The following NRXN3 variants were observed in gnomAD, a reference collection of about 807,000 sequenced individuals.
NRXN3 encodes neurexin III.
In NRXN3, 32 loss-of-function variants were observed where a neutral mutation model predicts 137.6. The observed-to-expected ratio is 0.23, with a 90% CI of 0.18 to 0.31. The LOEUF is 0.31. NRXN3 is among the 10% of genes least tolerant of loss of function. NRXN3 has a pLI of 1.00. For synonymous variants in NRXN3, 798 were observed against 784.5 expected (o/e 1.02, Z -0.29); for missense variants, 1,574 against 2,062.5 (o/e 0.76, Z 4.59).
At chr14:79,243,526 G>T (rs1385124715) in intron 15 of NRXN3, among the ~76,000 whole-genome samples, 1 of 152,144 alleles carries the variant, frequency 6.6e-6, no homozygotes, top group African/African-American at 2.4e-5. Context: ...CTGTACTATA[G>T]CCACATGTCT....
rs199876845 is a variant in NRXN3, at chr14:78,648,444, G to A, written c.1060-2721G>A. On this transcript the variant is annotated intron_variant, in intron 5 of 20. Transcript: ENST00000335750. ...AAAGCTTGAAAAGCATTGTTCAAGAGGAATTGGGGGAGAGAGATTCCAAAG... is the reference window on the plus strand; with the variant it reads ...AAAGCTTGAAAAGCATTGTTCAAGAAGAATTGGGGGAGAGAGATTCCAAAG... 9.2e-5 allele frequency among the ~76,000 whole-genome samples: 14 copies of A among 152,280 alleles called. No homozygotes were observed. In the East Asian group the frequency reaches 2.7e-3, roughly 29 times the overall value.
chr14:78,932,840 G>A (rs2099326138), intron 10 of NRXN3, among the ~76,000 whole-genome samples: 1 of 152,148 alleles, frequency 6.6e-6, no homozygotes, highest in Non-Finnish European at 1.5e-5. Flanking sequence ...GTAGAACCCT[G>A]TATAAAGAGG....
chr14:78,191,768 G>A (rs911362014), intron 1 of NRXN3, among the ~76,000 whole-genome samples: 3 of 152,194 alleles, frequency 2.0e-5, no homozygotes, highest in African/African-American at 7.2e-5. Flanking sequence ...CAGACCCCTA[G>A]GTCACTCTTT....
intron 15 of NRXN3, among the ~76,000 whole-genome samples, chr14:79,460,946 G>T (rs2096329103): frequency 6.6e-6 from 1 of 152,150 alleles, no homozygotes; most frequent in African/African-American, 2.4e-5. Context: ...TTTATCATCA[G>T]TTCTGGTGTT....
chr14:78,423,228 C>G (rs148392432), intron 4 of NRXN3, among the ~76,000 whole-genome samples: 58 of 152,190 alleles, frequency 3.8e-4, no homozygotes, highest in African/African-American at 1.3e-3. Flanking sequence ...AAACCAAGGA[C>G]AGGAAGAGAA....
At chr14:79,194,916 T>G (rs1259799138) in intron 15 of NRXN3, among the ~76,000 whole-genome samples, 1 of 152,200 alleles carries the variant, frequency 6.6e-6, no homozygotes, top group Non-Finnish European at 1.5e-5. Context: ...GGAGTTATTT[T>G]CTGTGGAGGA....
intron 17 of NRXN3, among the ~76,000 whole-genome samples, chr14:79,681,477 A>C (rs74063798): frequency 6.6e-6 from 1 of 152,130 alleles, no homozygotes; most frequent in African/African-American, 2.4e-5. Context: ...CTCAGTTCAG[A>C]TAGCCGAGTA....
At chr14:79,837,004 T>C (rs2099345511) in intron 20 of NRXN3, among the ~76,000 whole-genome samples, 1 of 152,172 alleles carries the variant, frequency 6.6e-6, no homozygotes, top group African/African-American at 2.4e-5. Context: ...AAAGTAATAC[T>C]GTTAGTATCC....
At chr14:79,299,484 A>G (rs181063649) in intron 15 of NRXN3, among the ~76,000 whole-genome samples, 3 of 152,242 alleles carry the variant, frequency 2.0e-5, no homozygotes, top group Non-Finnish European at 4.4e-5. Flanking sequence ...ATGCAAACAA[A>G]TGAGTGTGAG....
intron 15 of NRXN3, among the ~76,000 whole-genome samples, chr14:79,131,763 GC>G (rs2057518214): frequency 6.6e-6 from 1 of 152,204 alleles, no homozygotes; most frequent in South Asian, 2.1e-4. Context: ...AATGGCGAGT[GC>G]CCCTCCCCCA....
intron 16 of NRXN3, among the ~76,000 whole-genome samples, chr14:79,488,097 C>T (rs2096674483): frequency 6.6e-6 from 1 of 152,146 alleles, no homozygotes; most frequent in Non-Finnish European, 1.5e-5. Flanking sequence ...ACATATGAGG[C>T]AAGCTCCATG....
chr14:78,281,150 C>G (rs1415631368), intron 3 of NRXN3, among the ~76,000 whole-genome samples: 2 of 152,170 alleles, frequency 1.3e-5, no homozygotes, highest in Non-Finnish European at 2.9e-5. Flanking sequence ...GGACCCTTCA[C>G]TTGGGGCCCT....
At chr14:79,018,876 C>A (rs1258764112) in intron 15 of NRXN3, among the ~76,000 whole-genome samples, 5 of 152,312 alleles carry the variant, frequency 3.3e-5, no homozygotes, top group South Asian at 2.1e-4. Context: ...AGCACCCCTG[C>A]CCTGGCTTTC....
At chr14:79,466,545 G>A (rs755712658) in intron 15 of NRXN3, among the ~76,000 whole-genome samples, 6 of 152,020 alleles carry the variant, frequency 3.9e-5, no homozygotes, top group Non-Finnish European at 8.8e-5. Flanking sequence ...CCGAGGTTGC[G>A]CCACTGCACT....
chr14:79,359,271 C>G (rs775024555), intron 15 of NRXN3, among the ~76,000 whole-genome samples: 39 of 152,144 alleles, frequency 2.6e-4, no homozygotes, highest in Non-Finnish European at 4.9e-4. Flanking sequence ...TGGAAGTCAC[C>G]TTCAGAGTAA....
chr14:79,694,968 C>G (rs1254102641), intron 18 of NRXN3, among the ~76,000 whole-genome samples: 1 of 151,952 alleles, frequency 6.6e-6, no homozygotes, highest in Non-Finnish European at 1.5e-5. Context: ...ATAGACAACC[C>G]CCTTTACTGT....
chr14:78,440,089 C>G (rs774434611), intron 4 of NRXN3, among the ~76,000 whole-genome samples: 16 of 152,224 alleles, frequency 1.1e-4, no homozygotes, highest in African/African-American at 3.6e-4. Context: ...AGTAGAAGGC[C>G]GCATTTGTTT....
chr14:79,747,503 T>G (rs373335341), intron 19 of NRXN3, among the ~76,000 whole-genome samples: 17 of 151,954 alleles, frequency 1.1e-4, no homozygotes, highest in African/African-American at 4.1e-4. Context: ...GTTTCCCAAT[T>G]CAAAATATCC....
rs369949745 is a variant in NRXN3 at position 79,584,025 on chromosome 14, G to A, written c.3445-79753G>A. 1.1e-4 allele frequency among the ~76,000 whole-genome samples: 16 copies of A among 152,302 alleles called. 1 individual carries two copies. In the South Asian group the frequency reaches 3.3e-3, roughly 32 times the overall value. On this transcript the variant is annotated intron_variant, in intron 16 of 20. Transcript: ENST00000335750. The stretch of plus-strand genomic sequence containing the variant: ...GCGATGTCTATGCCAGTTCCATGAA[G>A]TCATCATAGACTTGCAATCAATTGC...
Sources: gnomAD v4.1 joint callset for allele counts (sites outside exome capture counted in the v4.1 genomes callset) on GRCh38, gnomAD v4.1.1 for gene constraint, MANE v1.5 for transcripts, NCBI Gene and HGNC (gene_info 2026-07-23, HGNC 2026-07-21) for gene names.